GALNT10: variants seen among roughly 807,000 people sequenced by gnomAD.
GALNT10 encodes polypeptide N-acetylgalactosaminyltransferase 10.
Under a neutral mutation model 75.0 loss-of-function variants are expected in GALNT10, and 41 were observed. That is an observed-to-expected ratio of 0.55 (90% CI 0.43 to 0.71). The LOEUF is 0.71. Among genes scored for constraint, GALNT10 ranks in the 30% least tolerant of loss-of-function variants. The pLI is 0.00. For missense variants in GALNT10, 727 were observed against 818.5 expected, an observed-to-expected ratio of 0.89 and a Z score of 1.36; for synonymous variants, 302 against 313.0, an observed-to-expected ratio of 0.96 and a Z score of 0.37.
At position 154,347,082 on chromosome 5, in the gene GALNT10, G is replaced by A. The variant is rs113899306; in HGVS notation, c.568+17344G>A. ...TCATTAATAATAATATATGAGAACA[G>A]TAATAAATGTCACCATTTATTAACA... On this transcript the variant is annotated intron_variant, in intron 4 of 11. Transcript: ENST00000297107. The A allele has an allele frequency of 5.8e-3, 2,833 of 485,902 alleles. 52 individuals are homozygous for A. Among genetic ancestry groups the A allele is most frequent in the African/African-American group, 0.048 (2,356 of 49,072 alleles). The allele number at this position is 485,902 out of a possible 1,614,324, so 30.1% of individuals were successfully genotyped here. A position where few individuals can be genotyped will look rare whatever the true frequency, so the allele number is the denominator to read the frequency against.
chr5:154,342,731 T>C (rs539083854), intron 4 of GALNT10, among the ~76,000 whole-genome samples: 18 of 152,334 alleles, frequency 1.2e-4, no homozygotes, highest in Non-Finnish European at 2.4e-4. Flanking sequence ...TTCCAGGATG[T>C]CTTGTCCTAA....
intron 1 of GALNT10, among the ~76,000 whole-genome samples, chr5:154,246,594 G>A (rs1753428711): frequency 6.6e-6 from 1 of 152,190 alleles, no homozygotes; most frequent in East Asian, 1.9e-4. Context: ...CCTTTTGGCT[G>A]TATAAATGTC....
intron 4 of GALNT10, among the ~76,000 whole-genome samples, chr5:154,345,031 C>T (rs1010730691): frequency 6.6e-6 from 1 of 152,210 alleles, no homozygotes; most frequent in African/African-American, 2.4e-5. Flanking sequence ...GAACTGTCCA[C>T]GTGCTCAGAA....
intron 8 of GALNT10, among the ~76,000 whole-genome samples, chr5:154,405,076 G>A (rs1561684878): frequency 6.6e-6 from 1 of 152,200 alleles, no homozygotes. Flanking sequence ...AGCTGGAAAG[G>A]ACCCCCGCAC....
At chr5:154,223,919 C>CA (rs34549433) in intron 1 of GALNT10, among the ~76,000 whole-genome samples, 56,683 of 144,642 alleles carry the variant, frequency 0.39, 12,131 homozygotes, top group East Asian at 0.83. Flanking sequence ...GACCCTGTCT[C>CA]AAAAAAAAAA....
intron 3 of GALNT10, among the ~76,000 whole-genome samples, chr5:154,320,278 T>G (rs1020908363): frequency 6.6e-6 from 1 of 152,228 alleles, no homozygotes. Flanking sequence ...TTTAATTCCA[T>G]GATTGAATTA....
chr5:154,266,986 G>A lies in GALNT10; in HGVS notation c.160-27830G>A, dbSNP rs950786484. On this transcript the variant is annotated intron_variant, in intron 1 of 11. Transcript: ENST00000297107. The stretch of plus-strand genomic sequence containing the variant: ...TCATTACCTAGGCTTTCAGTCCCCT[G>A]TAGATCTTAGCACCTTCTGCTAATA... 2.6e-5 allele frequency among the ~76,000 whole-genome samples: 4 copies of A among 152,140 alleles called. No homozygotes were observed. The East Asian group carries it at 5.8e-4, about 22-fold the overall frequency.
intron 1 of GALNT10, among the ~76,000 whole-genome samples, chr5:154,271,064 G>T (rs1217996779): frequency 6.6e-6 from 1 of 151,542 alleles, no homozygotes; most frequent in Admixed American, 6.6e-5. Context: ...CCCACTGGAT[G>T]CCTTAAAAAA....
At position 154,386,402 on chromosome 5, in the gene GALNT10, G is replaced by A. The variant is rs1722859136; in HGVS notation, c.1028G>A (p.Gly343Glu). Reference protein sequence around the residue: ...GGYDPGLEIWGGEQYEISFKV... With the variant: ...GGYDPGLEIWEGEQYEISFKV... ...TATGACCCAGGCTTGGAGATCTGGG[G>A]AGGGGAGCAGTATGAAATCTCCTTC... The change falls in exon 7 of 12, where the codon GGA (glycine) becomes GAA (glutamate). Residue 343 changes from glycine (G) to glutamate (E), a missense_variant. By Grantham distance (98) the Gly-to-Glu change is moderately conservative (BLOSUM62 -2). Coordinates refer to ENST00000297107, the MANE Select transcript of GALNT10 (RefSeq NM_198321.4). 6.2e-7 allele frequency: 1 copy of A among 1,612,776 alleles called. No homozygotes were observed. The highest frequency in any genetic ancestry group is 2.2e-5 in the East Asian group (1 of 44,866).
At chr5:154,373,850 C>T (rs1755614191) in intron 4 of GALNT10, among the ~76,000 whole-genome samples, 1 of 152,150 alleles carries the variant, frequency 6.6e-6, no homozygotes, top group Non-Finnish European at 1.5e-5. Flanking sequence ...TCTGTAATGA[C>T]TGTGGCCATC....
In GALNT10 at chr5:154,402,104, G is replaced by T. The variant is rs1278917548; in HGVS notation, c.1057-2000G>T. Among the ~76,000 whole-genome samples the T allele has an allele frequency of 5.3e-5, 8 of 152,320 alleles. No homozygotes were observed. Among genetic ancestry groups the T allele is most frequent in the Non-Finnish European group, 2.9e-5 (2 of 68,030 alleles). ...CAGGCTGTTCTCCACCCCACTGGCA[G>T]AGTCATCTTTGTAAGATGTAAGTGG... On this transcript the variant is annotated intron_variant, in intron 7 of 11. Coordinates refer to ENST00000297107, the MANE Select transcript of GALNT10 (RefSeq NM_198321.4). The surrounding 1 kb of genome is among the most constrained non-coding windows in gnomAD (Gnocchi z 4.2).
chr5:154,409,253 G>A lies in GALNT10; in HGVS notation c.1165-288G>A, dbSNP rs2113219376. Among the ~76,000 whole-genome samples the A allele has an allele frequency of 6.6e-6, 1 of 152,318 alleles. No homozygotes were observed. The highest frequency in any genetic ancestry group is 2.1e-4 in the South Asian group (1 of 4,832). On this transcript the variant is annotated intron_variant, in intron 8 of 11. Transcript: ENST00000297107. This position sits in a 1 kb window ranked among gnomAD's most constrained non-coding sequence, Gnocchi z 4.5. ...ACATGAGCTGACAGGGAGACAGGGT[G>A]GCTCCCCAGAGGAAAATCAGTGGGG...
intron 4 of GALNT10, among the ~76,000 whole-genome samples, chr5:154,365,264 C>T (rs1034206471): frequency 2.0e-5 from 3 of 152,126 alleles, no homozygotes; most frequent in African/African-American, 7.2e-5. Flanking sequence ...AGGCCAAATA[C>T]CTGCACCCGA....
At chr5:154,369,278 C>A (rs1294209286) in intron 4 of GALNT10, among the ~76,000 whole-genome samples, 1 of 152,164 alleles carries the variant, frequency 6.6e-6, no homozygotes, top group Non-Finnish European at 1.5e-5. Flanking sequence ...ATCCCAGCTA[C>A]TCAGGAGGCT....
At chr5:154,316,590 T>A (rs1454543407) in intron 3 of GALNT10, among the ~76,000 whole-genome samples, 2 of 152,220 alleles carry the variant, frequency 1.3e-5, no homozygotes, top group East Asian at 3.8e-4. Flanking sequence ...CATAATTTAT[T>A]ACTGTTTATG....
chr5:154,380,502 A>T lies in GALNT10; in HGVS notation c.809A>T (p.Asp270Val). 10 of 1,614,022 alleles carry T rather than the reference A, an allele frequency of 6.2e-6. No individual in the cohort carries two copies. Among genetic ancestry groups the T allele is most frequent in the Non-Finnish European group, 8.5e-6 (10 of 1,179,978 alleles). Residue 270 changes from aspartate (D) to valine (V), a missense_variant, in exon 6 of 12, where the codon GAC (aspartate) becomes GTC (valine). Transcript: ENST00000297107. Reference sequence around the variant, plus strand: ...GTGTGCCCGATGATTGATGTAATTGACCATGACGACTTTCGGTACGAGACA... The same window carrying T: ...GTGTGCCCGATGATTGATGTAATTGTCCATGACGACTTTCGGTACGAGACA... ...TIVCPMIDVI[D>V]HDDFRYETQA...
chr5:154,330,939 T>TGTG (rs1561663355), intron 4 of GALNT10, among the ~76,000 whole-genome samples: 2 of 14,018 alleles, frequency 1.4e-4, no homozygotes, highest in Non-Finnish European at 5.6e-4. Flanking sequence ...GTGTGTGTGT[T>TGTG]TGTGTGTGTG....
At chr5:154,330,908 G>GTGTGTGT (rs1754848603) in intron 4 of GALNT10, among the ~76,000 whole-genome samples, 9 of 126,036 alleles carry the variant, frequency 7.1e-5, no homozygotes, top group African/African-American at 2.4e-4. Context: ...AGACAGAGAG[G>GTGTGTGT]GTGTGTGTGT....
At position 154,418,533 on chromosome 5, in the gene GALNT10, C is replaced by T. The variant is rs976718654; in HGVS notation, c.*1561C>T. Reference sequence around the variant, plus strand: ...CAGGAAATACTTGAAATCAGCATTCCAATTAGTGTTGAGTCTCTTGATTGT... The same window carrying T: ...CAGGAAATACTTGAAATCAGCATTCTAATTAGTGTTGAGTCTCTTGATTGT... On this transcript the variant is annotated 3_prime_UTR_variant, in exon 12 of 12. Transcript: ENST00000297107. 5.9e-5 allele frequency: 9 copies of T among 152,196 alleles called. No individual in the cohort carries two copies. Among genetic ancestry groups the T allele is most frequent in the African/African-American group, 2.2e-4 (9 of 41,436 alleles). 9.4% of individuals were successfully genotyped at this position (152,196 alleles called of 1,614,324 possible).
Sources: allele counts gnomAD v4.1 joint callset (sites outside exome capture counted in the v4.1 genomes callset), GRCh38; gene constraint gnomAD v4.1.1; non-coding constraint Gnocchi (gnomAD v3.1); transcripts MANE v1.5; gene names NCBI Gene and HGNC (gene_info 2026-07-23, HGNC 2026-07-21).